The following RBFOX2 variants were observed in gnomAD, a reference collection of about 807,000 sequenced individuals.
The protein encoded by RBFOX2 is RNA binding protein fox-1 homolog 2.
RBFOX2 carries 10 observed loss-of-function variants against 49.1 expected under a neutral mutation model. The observed-to-expected ratio is 0.20, with a 90% CI of 0.13 to 0.35. The LOEUF (loss-of-function observed/expected upper bound fraction) is 0.35. RBFOX2 is among the 10% of genes least tolerant of loss of function. The pLI is 1.00. For missense variants in RBFOX2, 323 were observed against 486.9 expected (o/e 0.66, Z 3.17); for synonymous variants, 183 against 187.4 (o/e 0.98, Z 0.19).
In RBFOX2 at chr22:35,895,928, C is replaced by T. The variant is rs141018560; in HGVS notation, c.-34+42919G>A. ...TATTAAGTACTTCCTATATGCCAGG[C>T]GAGTTTTCATTCATTATGCCCAGTG... On this transcript the variant is annotated intron_variant, in intron 1 of 13. Transcript: ENST00000359369. Among the ~76,000 whole-genome samples, 406 of 152,314 alleles carry T rather than the reference C, an allele frequency of 2.7e-3. 4 individuals are homozygous for T. Among genetic ancestry groups the T allele is most frequent in the Middle Eastern group, 0.017 (5 of 294 alleles).
intron 2 of RBFOX2, among the ~76,000 whole-genome samples, chr22:35,784,596 G>A (rs915262516): frequency 6.6e-6 from 1 of 152,260 alleles, no homozygotes; most frequent in Non-Finnish European, 1.5e-5. Flanking sequence ...CCCAAGGGCT[G>A]CATGGGCATC....
At chr22:35,788,767 C>T (rs538717133) in intron 2 of RBFOX2, among the ~76,000 whole-genome samples, 18 of 152,304 alleles carry the variant, frequency 1.2e-4, no homozygotes, top group African/African-American at 4.3e-4. Context: ...AGTTATATGC[C>T]TCAGTGTGGA....
intron 1 of RBFOX2, among the ~76,000 whole-genome samples, chr22:35,831,416 G>C (rs1487854431): frequency 1.3e-5 from 2 of 152,034 alleles, no homozygotes; most frequent in South Asian, 2.1e-4. Context: ...CTGGGTGATA[G>C]TGAGAGACTC....
chr22:35,914,745 G>C (rs993265749), intron 1 of RBFOX2, among the ~76,000 whole-genome samples: 3 of 152,154 alleles, frequency 2.0e-5, no homozygotes, highest in Non-Finnish European at 4.4e-5. Flanking sequence ...TGGGGAAGAG[G>C]AAAAGGGAGA....
chr22:35,884,831 G>T (rs1234515528), intron 1 of RBFOX2, among the ~76,000 whole-genome samples: 2 of 152,156 alleles, frequency 1.3e-5, no homozygotes, highest in African/African-American at 4.8e-5. Flanking sequence ...CAACATATTG[G>T]TTAAGAGTAC....
intron 2 of RBFOX2, among the ~76,000 whole-genome samples, chr22:35,808,219 C>A (rs775662464): frequency 6.6e-6 from 1 of 152,146 alleles, no homozygotes; most frequent in Non-Finnish European, 1.5e-5. Context: ...TCAGCCTGTA[C>A]GTTTATGATT....
intron 1 of RBFOX2, chr22:35,995,195 C>G (rs1020052417): frequency 1.3e-5 from 2 of 152,174 alleles, no homozygotes; most frequent in African/African-American, 2.4e-5. Context: ...TACCTTTTTA[C>G]GTGATATTCC....
At chr22:35,941,872 T>A (rs1307331670), upstream of RBFOX2, among the ~76,000 whole-genome samples, 2 of 152,238 alleles carry the variant, frequency 1.3e-5, no homozygotes, top group Non-Finnish European at 2.9e-5. Flanking sequence ...CTTCTTTATT[T>A]CCTACCTCTC....
chr22:35,803,284 G>A (rs1950108183), intron 2 of RBFOX2, among the ~76,000 whole-genome samples: 1 of 151,842 alleles, frequency 6.6e-6, no homozygotes, highest in South Asian at 2.1e-4. Flanking sequence ...AAACAGAAAA[G>A]TGACCCAGAT....
At chr22:35,894,637 A>G (rs188506073) in intron 1 of RBFOX2, among the ~76,000 whole-genome samples, 6 of 152,012 alleles carry the variant, frequency 3.9e-5, no homozygotes, top group Admixed American at 3.9e-4. Context: ...TAGGGGGAGG[A>G]AAAAAAACAA....
intron 1 of RBFOX2, among the ~76,000 whole-genome samples, chr22:35,972,609 C>A (rs1177759787): frequency 1.3e-5 from 2 of 152,140 alleles, no homozygotes; most frequent in Non-Finnish European, 2.9e-5. Context: ...TTCTTTCCAG[C>A]ACCACAACTT....
intron 1 of RBFOX2, among the ~76,000 whole-genome samples, chr22:36,006,463 CTT>C (rs1412633862): frequency 2.0e-5 from 3 of 152,124 alleles, no homozygotes; most frequent in Admixed American, 1.3e-4. Context: ...TTTCTTTGTT[CTT>C]TTTTGCTTTC....
chr22:35,862,779 T>G (rs1456342349), intron 1 of RBFOX2, among the ~76,000 whole-genome samples: 1 of 152,222 alleles, frequency 6.6e-6, no homozygotes, highest in Non-Finnish European at 1.5e-5. Context: ...AACACCTCTC[T>G]GCCTCAAGTT....
exon 12 of RBFOX2, chr22:35,742,916 C>T (rs1601961785): frequency 6.5e-6 from 1 of 152,844 alleles, no homozygotes. Flanking sequence ...TTTTGGAGGA[C>T]AGTGAGAAGC....
At chr22:35,974,109 G>A (rs535073344) in intron 1 of RBFOX2, among the ~76,000 whole-genome samples, 1 of 152,244 alleles carries the variant, frequency 6.6e-6, no homozygotes, top group African/African-American at 2.4e-5. Flanking sequence ...TTGGCAGCTC[G>A]GCTGACTCCC....
At chr22:35,862,174 C>T (rs541627158) in intron 1 of RBFOX2, among the ~76,000 whole-genome samples, 1 of 152,024 alleles carries the variant, frequency 6.6e-6, no homozygotes, top group Admixed American at 6.6e-5. Flanking sequence ...AGAAAACTTA[C>T]GGAGATGATT....
At chr22:35,969,228 A>C (rs767896975) in intron 1 of RBFOX2, among the ~76,000 whole-genome samples, 1 of 152,180 alleles carries the variant, frequency 6.6e-6, no homozygotes, top group African/African-American at 2.4e-5. Flanking sequence ...GTACAACTGC[A>C]TAAGAATCTA....
intron 1 of RBFOX2, among the ~76,000 whole-genome samples, chr22:35,967,068 T>G: frequency 6.6e-6 from 1 of 152,186 alleles, no homozygotes; most frequent in East Asian, 1.9e-4. Context: ...GCAATCCTCC[T>G]GCCTCAGCCT....
rs374086577 is a variant in RBFOX2 at position 35,877,581 on chromosome 22, T to C, written c.-34+61266A>G. Among the ~76,000 whole-genome samples, 35 of 152,306 alleles carry C rather than the reference T, an allele frequency of 2.3e-4. 1 individual carries two copies. In the East Asian group the frequency reaches 6.2e-3, roughly 27 times the overall value. On this transcript the variant is annotated intron_variant, in intron 1 of 13. Coordinates refer to the RBFOX2 transcript ENST00000359369. Reference sequence around the variant, plus strand: ...ATTTACTATGCACCAAGAACTGTTCTGAGAGCGTTACATGGCTCAAAACAA... The same window carrying C: ...ATTTACTATGCACCAAGAACTGTTCCGAGAGCGTTACATGGCTCAAAACAA...
Sources: allele counts gnomAD v4.1 joint callset (sites outside exome capture counted in the v4.1 genomes callset), GRCh38; gene constraint gnomAD v4.1.1; transcripts MANE v1.5; gene names NCBI Gene and HGNC (gene_info 2026-07-23, HGNC 2026-07-21).